Variants in RAF1 observed in about 807,000 individuals in gnomAD.
RAF1 encodes RAF proto-oncogene serine/threonine-protein kinase.
RAF1 carries 27 observed loss-of-function variants against 81.1 expected under a neutral mutation model. The ratio of observed to expected loss-of-function variants is 0.33; its 90% CI spans 0.25 to 0.46. The LOEUF (loss-of-function observed/expected upper bound fraction) is 0.46, where lower values mean the gene tolerates loss of function less well. Ranked by LOEUF, RAF1 falls within the 20% of genes least tolerant of loss-of-function variation. RAF1 has a pLI of 1.00. For missense variants in RAF1, 598 were observed against 826.0 expected (o/e 0.72, Z 3.38); for synonymous variants, 298 against 294.0 (o/e 1.01, Z -0.14).
intron 1 of RAF1, among the ~76,000 whole-genome samples, chr3:12,623,129 G>A (rs2059598653): frequency 6.6e-6 from 1 of 152,138 alleles, no homozygotes; most frequent in Non-Finnish European, 1.5e-5. Flanking sequence ...TGCCCAGGCT[G>A]GTCTTGAACT....
chr3:12,623,979 C>T (rs1483348812), intron 1 of RAF1, among the ~76,000 whole-genome samples: 2 of 151,532 alleles, frequency 1.3e-5, no homozygotes, highest in East Asian at 2.0e-4. Flanking sequence ...TGCAGCCTTC[C>T]AAGTAGCTGG....
At chr3:12,648,020 A>C (rs896296514) in intron 1 of RAF1, among the ~76,000 whole-genome samples, 10 of 152,238 alleles carry the variant, frequency 6.6e-5, no homozygotes, top group Non-Finnish European at 8.8e-5. Context: ...TGATACCTGG[A>C]GCCAACTTTA....
In RAF1 at chr3:12,584,848, T is replaced by C. The variant is rs1398402832; in HGVS notation, c.1862A>G (p.Gln621Arg). Residue 621 changes from glutamine (Q) to arginine (R), a missense_variant and splice_region_variant, in exon 17 of 18, where the codon CAG (glutamine) becomes CGG (arginine). Physicochemically the swap from Gln to Arg is conservative, Grantham distance 43. This residue lies in a region of RAF1 where 147 missense variants were observed against 196.1 expected (regional missense o/e 0.75). Coordinates refer to ENST00000442415, the MANE Select transcript of RAF1 (RefSeq NM_001354689.3). ...CATTCTAGCAGCCCTGAGCCTTACCTGGGGAAAAAGAGGCCTCTCTTCCTT... is the reference window on the plus strand; with the variant it reads ...CATTCTAGCAGCCCTGAGCCTTACCCGGGGAAAAAGAGGCCTCTCTTCCTT... The C allele has an allele frequency of 1.2e-6, 2 of 1,614,032 alleles. No homozygotes were observed. Among genetic ancestry groups the C allele is most frequent in the Non-Finnish European group, 1.7e-6 (2 of 1,179,962 alleles).
chr3:12,590,734 T>TG, intron 13 of RAF1, 64 bp downstream of exon 12: 1 of 1,518,884 alleles, frequency 6.6e-7, no homozygotes, highest in Non-Finnish European at 9.1e-7. Flanking sequence ...TTCCTGATCC[T>TG]GGTTCCAATT....
chr3:12,608,687 C>A lies in RAF1; in HGVS notation c.581+79G>T, dbSNP rs2059114901. 8 of 1,499,798 alleles carry A rather than the reference C, an allele frequency of 5.3e-6. No individual in the cohort carries two copies. The South Asian group carries it at 9.1e-5, about 17-fold the overall frequency. The allele number at this position is 1,499,798 out of a possible 1,614,324, so 92.9% of individuals were successfully genotyped here. A position where few individuals can be genotyped will look rare whatever the true frequency, so the allele number is the denominator to read the frequency against. On this transcript the variant is annotated intron_variant, in intron 5 of 17. Coordinates refer to ENST00000442415, the MANE Select transcript of RAF1 (RefSeq NM_001354689.3). Reference sequence around the variant, plus strand: ...GAGTCTAGAATCCAGACCTGTCAGTCAAAATCTACAACAAATACCCTTTAA... The same window carrying A: ...GAGTCTAGAATCCAGACCTGTCAGTAAAAATCTACAACAAATACCCTTTAA...
intron 1 of RAF1, among the ~76,000 whole-genome samples, chr3:12,633,988 TCAA>T (rs1271682026): frequency 1.3e-5 from 2 of 151,340 alleles, no homozygotes; most frequent in Admixed American, 1.3e-4. Context: ...TTCAAACTCT[TCAA>T]CAACACTAGA....
intron 2 of RAF1, among the ~76,000 whole-genome samples, chr3:12,614,584 T>A (rs2059315741): frequency 6.7e-6 from 1 of 148,218 alleles, no homozygotes; most frequent in Admixed American, 6.7e-5. Context: ...CAGCACCACT[T>A]CTAGCTAATG....
chr3:12,605,941 T>C (rs1480381724), intron 6 of RAF1, among the ~76,000 whole-genome samples: 1 of 152,156 alleles, frequency 6.6e-6, no homozygotes, highest in East Asian at 1.9e-4. Context: ...CTCTTTAAAA[T>C]GTAATGACAT....
chr3:12,649,973 C>T (rs1423912652), intron 1 of RAF1, among the ~76,000 whole-genome samples: 2 of 151,836 alleles, frequency 1.3e-5, no homozygotes, highest in Admixed American at 6.6e-5. Flanking sequence ...AGTGAAACCC[C>T]ATCTCTACTA....
intron 11 of RAF1, among the ~76,000 whole-genome samples, chr3:12,598,067 T>C (rs958514167): frequency 6.7e-6 from 1 of 148,962 alleles, no homozygotes; most frequent in Non-Finnish European, 1.5e-5. Flanking sequence ...TGGAGTACAG[T>C]AGTGTGTACT....
In RAF1 at chr3:12,600,060, C is replaced by A. The variant is rs5746221; in HGVS notation, c.1050+92G>T. 1.3e-4 allele frequency: 205 copies of A among 1,556,888 alleles called. 1 individual carries two copies. The African/African-American group carries it at 2.5e-3, about 19-fold the overall frequency. ...TTCATTGAATGTATTTTATTAGAAT[C>A]TTCTCCCAAAATAAGTTTAAGTATT... is the stretch of plus-strand genomic sequence containing the variant. On this transcript the variant is annotated intron_variant, in intron 10 of 17. Transcript: ENST00000442415.
intron 1 of RAF1, among the ~76,000 whole-genome samples, chr3:12,661,441 T>C (rs1440647725): frequency 3.3e-5 from 5 of 151,608 alleles, no homozygotes; most frequent in Admixed American, 2.6e-4. Flanking sequence ...CAGTGGCTCA[T>C]GCCTGTAATC....
rs2058249625 is a variant in RAF1, at chr3:12,584,421, C to T, written c.*93G>A. 2.0e-6 allele frequency: 3 copies of T among 1,528,812 alleles called. No homozygotes were observed. Among genetic ancestry groups the T allele is most frequent in the East Asian group, 2.3e-5 (1 of 44,302 alleles). 94.7% of individuals were successfully genotyped at this position (1,528,812 alleles called of 1,614,324 possible). On this transcript the variant is annotated 3_prime_UTR_variant, in exon 18 of 18. Transcript: ENST00000442415. ...TCCTTAGCAGCAGCTTCTCTGAAAA[C>T]ATGTGTTCTGCCTCTGGAGAAAGGG...
intron 11 of RAF1, among the ~76,000 whole-genome samples, chr3:12,594,162 C>T (rs1445498188): frequency 3.3e-5 from 5 of 151,974 alleles, no homozygotes. Context: ...AGGAAAGGTA[C>T]AAGAAGAATG....
chr3:12,627,601 A>AT (rs2059742779), intron 1 of RAF1, among the ~76,000 whole-genome samples: 1 of 151,770 alleles, frequency 6.6e-6, no homozygotes, highest in East Asian at 1.9e-4. Context: ...CTCTACAACT[A>AT]TTTTTTCTGG....
chr3:12,652,130 C>T (rs1268742806), intron 1 of RAF1, among the ~76,000 whole-genome samples: 1 of 150,914 alleles, frequency 6.6e-6, no homozygotes, highest in Non-Finnish European at 1.5e-5. Context: ...GCAGGAGAAT[C>T]GCTTGAACCC....
At chr3:12,640,022 T>C (rs563282758) in intron 1 of RAF1, among the ~76,000 whole-genome samples, 3 of 152,128 alleles carry the variant, frequency 2.0e-5, no homozygotes, top group Admixed American at 6.6e-5. Flanking sequence ...AAAACAGAGA[T>C]AGAGACCAAT....
intron 1 of RAF1, among the ~76,000 whole-genome samples, chr3:12,658,594 C>T (rs757831868): frequency 4.9e-4 from 74 of 152,166 alleles, no homozygotes; most frequent in Non-Finnish European, 9.4e-4. Context: ...AAGAACGAAA[C>T]TCCGTCTCAA....
chr3:12,636,915 G>C (rs2060049590), intron 1 of RAF1, among the ~76,000 whole-genome samples: 1 of 152,226 alleles, frequency 6.6e-6, no homozygotes, highest in African/African-American at 2.4e-5. Flanking sequence ...AACACTTTTG[G>C]TTTAGTAGAT....
Sources: gnomAD v4.1 joint callset for allele counts (sites outside exome capture counted in the v4.1 genomes callset) on GRCh38, gnomAD v4.1.1 for gene constraint, gnomAD v4.1.1 regional missense constraint, MANE v1.5 for transcripts, NCBI Gene and HGNC (gene_info 2026-07-23, HGNC 2026-07-21) for gene names.